Variants in ETV6 observed in about 807,000 individuals in gnomAD.
ETV6 encodes transcription factor ETV6.
ETV6 carries 16 observed loss-of-function variants against 51.1 expected under a neutral mutation model. That is an observed-to-expected ratio of 0.31 (90% CI 0.21 to 0.48). The LOEUF is 0.48. ETV6 is among the 20% of genes least tolerant of loss of function. The pLI, the probability that ETV6 is intolerant of heterozygous loss-of-function variation, is 0.99. For synonymous variants in ETV6, 240 were observed against 224.1 expected (o/e 1.07, Z -0.64); for missense variants, 458 against 594.8 (o/e 0.77, Z 2.39).
chr12:11,789,717 T>C (rs1218613927), intron 2 of ETV6, among the ~76,000 whole-genome samples: 1 of 152,204 alleles, frequency 6.6e-6, no homozygotes, highest in Non-Finnish European at 1.5e-5. Context: ...AGACATGGGG[T>C]AATTTTCCCC....
At chr12:11,716,353 AAAAAAAAG>A (rs1865279999) in intron 1 of ETV6, among the ~76,000 whole-genome samples, 1 of 148,598 alleles carries the variant, frequency 6.7e-6, no homozygotes, top group African/African-American at 2.6e-5. Flanking sequence ...AAAAAAAAAA[AAAAAAAAG>A]ATCATTCGGA....
chr12:11,890,124 A>ATT (rs34570955), intron 7 of ETV6, among the ~76,000 whole-genome samples: 42,839 of 130,810 alleles, frequency 0.33, 6,869 homozygotes, highest in East Asian at 0.43. Flanking sequence ...ATTGTAAAAG[A>ATT]TTTTTTTTTT....
intron 2 of ETV6, among the ~76,000 whole-genome samples, chr12:11,809,092 G>A (rs1945872736): frequency 6.6e-6 from 1 of 152,016 alleles, no homozygotes; most frequent in Non-Finnish European, 1.5e-5. Flanking sequence ...CCTGCGCTCA[G>A]GAGGTTAAGG....
chr12:11,789,283 C>T (rs1405280938), intron 2 of ETV6, among the ~76,000 whole-genome samples: 1 of 152,178 alleles, frequency 6.6e-6, no homozygotes, highest in Non-Finnish European at 1.5e-5. Flanking sequence ...TCGCCCGCCT[C>T]AGCCTCCCAA....
intron 4 of ETV6, among the ~76,000 whole-genome samples, chr12:11,859,339 C>T (rs574983953): frequency 9.2e-5 from 14 of 151,640 alleles, no homozygotes; most frequent in East Asian, 5.8e-4. Context: ...GACAGGGTTT[C>T]GCCGTGTTAG....
chr12:11,853,543 C>T lies in ETV6; in HGVS notation c.445C>T (p.His149Tyr), dbSNP rs764162273. 3.1e-6 allele frequency: 5 copies of T among 1,614,246 alleles called. No homozygotes were observed. The highest frequency in any genetic ancestry group is 2.7e-5 in the African/African-American group (2 of 75,056). Residue 149 changes from histidine (H) to tyrosine (Y), a missense_variant, in exon 4 of 8, where the codon CAT (histidine) becomes TAT (tyrosine). Transcript: ENST00000396373. ...ACACACACAGCCGGAGGTCATACTG[C>T]ATCAGAACCATGAAGAAGGTACTGG... ...SIHTQPEVIL[H>Y]QNHEEDNCVQ...
At chr12:11,850,732 C>T (rs1466035869) in intron 3 of ETV6, among the ~76,000 whole-genome samples, 2 of 152,242 alleles carry the variant, frequency 1.3e-5, no homozygotes, top group African/African-American at 4.8e-5. Context: ...GGCCAAGTGA[C>T]ATTAAAGGGC....
intron 1 of ETV6, among the ~76,000 whole-genome samples, chr12:11,741,573 G>C (rs1041804919): frequency 1.3e-5 from 2 of 152,214 alleles, no homozygotes; most frequent in Non-Finnish European, 2.9e-5. Flanking sequence ...GGGTGGACAT[G>C]GGGGGAGCTG....
chr12:11,816,182 A>G (rs1393565942), intron 2 of ETV6, among the ~76,000 whole-genome samples: 1 of 152,230 alleles, frequency 6.6e-6, no homozygotes, highest in Non-Finnish European at 1.5e-5. Flanking sequence ...GAAGTTAACC[A>G]GGAGTTTAGG....
chr12:11,712,834 A>G (rs1223207990), intron 1 of ETV6, among the ~76,000 whole-genome samples: 1 of 152,204 alleles, frequency 6.6e-6, no homozygotes, highest in Non-Finnish European at 1.5e-5. Context: ...CCTGAAATCA[A>G]CCATCCCCCT....
rs1007158603 is a variant in ETV6, at chr12:11,752,562, G to T, written c.146G>T (p.Arg49Leu). 1 of 1,612,600 alleles carries T rather than the reference G, an allele frequency of 6.2e-7. No homozygotes were observed. ...CTCAGGATGGAGGAAGACTCGATCCGCCTGCCTGCGCACCTGCGTGAGTGT... is the reference window on the plus strand; with the variant it reads ...CTCAGGATGGAGGAAGACTCGATCCTCCTGCCTGCGCACCTGCGTGAGTGT... ...RALRMEEDSIRLPAHLRLQPI... is the reference protein window; with the variant it reads ...RALRMEEDSILLPAHLRLQPI... The change falls in exon 2 of 8, where the codon CGC (arginine) becomes CTC (leucine). Residue 49 changes from arginine to leucine, a missense_variant. By Grantham distance (102) the Arg-to-Leu change is moderately radical (BLOSUM62 -2). Transcript: ENST00000396373.
intron 1 of ETV6, among the ~76,000 whole-genome samples, chr12:11,736,677 T>A (rs1865707896): frequency 6.6e-6 from 1 of 152,182 alleles, no homozygotes; most frequent in African/African-American, 2.4e-5. Flanking sequence ...CATACTGGAA[T>A]AAGGCTTAAA....
At chr12:11,756,251 G>A (rs1591652197) in intron 2 of ETV6, among the ~76,000 whole-genome samples, 1 of 152,168 alleles carries the variant, frequency 6.6e-6, no homozygotes, top group African/African-American at 2.4e-5. Flanking sequence ...AGGCCAGACC[G>A]TGCCATCCTG....
At chr12:11,728,453 G>T (rs760887629) in intron 1 of ETV6, among the ~76,000 whole-genome samples, 1 of 146,826 alleles carries the variant, frequency 6.8e-6, no homozygotes, top group Non-Finnish European at 1.5e-5. Flanking sequence ...GTAAGAGCAC[G>T]AACCCTGTTG....
chr12:11,659,500 C>A (rs1449196407), intron 1 of ETV6, among the ~76,000 whole-genome samples: 1 of 152,156 alleles, frequency 6.6e-6, no homozygotes, highest in Non-Finnish European at 1.5e-5. Flanking sequence ...TTGTGATTTT[C>A]TTCTCAGCTG....
intron 2 of ETV6, among the ~76,000 whole-genome samples, chr12:11,760,878 ATGTG>A (rs59373097): frequency 0.086 from 12,709 of 148,284 alleles, 845 homozygotes; most frequent in African/African-American, 0.19. Context: ...TATTATATAT[ATGTG>A]TGTGTGTGTG....
At chr12:11,742,678 A>C (rs1468887631) in intron 1 of ETV6, among the ~76,000 whole-genome samples, 2 of 152,228 alleles carry the variant, frequency 1.3e-5, no homozygotes, top group African/African-American at 4.8e-5. Context: ...TTACATAAAA[A>C]AGTAATGTTT....
intron 4 of ETV6, among the ~76,000 whole-genome samples, chr12:11,855,407 C>T (rs1277371872): frequency 1.3e-5 from 2 of 152,188 alleles, no homozygotes; most frequent in African/African-American, 2.4e-5. Flanking sequence ...CTCTGAGGGT[C>T]ATGATCCTCC....
chr12:11,844,206 A>T (rs2136472966), intron 3 of ETV6, among the ~76,000 whole-genome samples: 1 of 152,208 alleles, frequency 6.6e-6, no homozygotes, highest in African/African-American at 2.4e-5. Context: ...GGTACCCATT[A>T]TTTTCTCCGA....
Sources: gnomAD v4.1 joint callset for allele counts (sites outside exome capture counted in the v4.1 genomes callset) on GRCh38, gnomAD v4.1.1 for gene constraint, MANE v1.5 for transcripts, NCBI Gene and HGNC (gene_info 2026-07-23, HGNC 2026-07-21) for gene names.